NRXN3: variants seen among roughly 807,000 people sequenced by gnomAD.
NRXN3 encodes the protein neurexin 3.
A neutral mutation model predicts 137.6 loss-of-function variants in NRXN3; 32 were observed. The ratio of observed to expected loss-of-function variants is 0.23; its 90% CI spans 0.18 to 0.31. The LOEUF (loss-of-function observed/expected upper bound fraction) is 0.31. NRXN3 is among the 10% of genes least tolerant of loss of function. The pLI, the probability that NRXN3 is intolerant of heterozygous loss-of-function variation, is 1.00. For synonymous variants in NRXN3, 798 were observed against 784.5 expected (o/e 1.02, Z -0.29); for missense variants, 1,574 against 2,062.5 (o/e 0.76, Z 4.59).
At chr14:78,704,492 C>T (rs1032966107) in intron 6 of NRXN3, among the ~76,000 whole-genome samples, 61 of 152,048 alleles carry the variant, frequency 4.0e-4, no homozygotes, top group South Asian at 2.1e-4. Context: ...GACCCCTAAG[C>T]GGGGAGGTAT....
intron 16 of NRXN3, among the ~76,000 whole-genome samples, chr14:79,579,367 T>TATATATATAA (rs1567561063): frequency 7.0e-6 from 1 of 142,304 alleles, no homozygotes; most frequent in African/African-American, 2.6e-5. Context: ...TATATATATA[T>TATATATATAA]AATATATATA....
At chr14:78,348,442 A>G (rs1218966066) in intron 4 of NRXN3, among the ~76,000 whole-genome samples, 1 of 152,230 alleles carries the variant, frequency 6.6e-6, no homozygotes, top group Non-Finnish European at 1.5e-5. Flanking sequence ...CTAACACAAC[A>G]TTCAGCTCAA....
intron 15 of NRXN3, among the ~76,000 whole-genome samples, chr14:79,319,038 A>T (rs1330941736): frequency 6.6e-6 from 1 of 152,202 alleles, no homozygotes; most frequent in Non-Finnish European, 1.5e-5. Flanking sequence ...TCAAGAATGT[A>T]TGCTAGAAAA....
intron 10 of NRXN3, among the ~76,000 whole-genome samples, chr14:78,821,937 C>A (rs1292039848): frequency 1.3e-5 from 2 of 152,124 alleles, no homozygotes; most frequent in East Asian, 3.9e-4. Context: ...GATATGGTAA[C>A]ACCGCGATGA....
intron 10 of NRXN3, among the ~76,000 whole-genome samples, chr14:78,932,569 A>C (rs563562996): frequency 1.3e-5 from 2 of 152,310 alleles, no homozygotes; most frequent in Non-Finnish European, 2.9e-5. Context: ...ATGCTATGAC[A>C]ATATAAGCAT....
At chr14:79,578,754 T>C (rs965286342) in intron 16 of NRXN3, among the ~76,000 whole-genome samples, 5 of 152,222 alleles carry the variant, frequency 3.3e-5, no homozygotes, top group Admixed American at 6.5e-5. Context: ...AAGCCTCATC[T>C]TGCTTTCACA....
At chr14:79,321,500 A>AAAATC (rs2090011975) in intron 15 of NRXN3, among the ~76,000 whole-genome samples, 1 of 152,092 alleles carries the variant, frequency 6.6e-6, no homozygotes, top group Admixed American at 6.6e-5. Flanking sequence ...AAATAAGGAC[A>AAAATC]TTCTATTTTT....
At chr14:78,591,009 T>A (rs1310608647) in intron 4 of NRXN3, among the ~76,000 whole-genome samples, 1 of 152,152 alleles carries the variant, frequency 6.6e-6, no homozygotes, top group African/African-American at 2.4e-5. Context: ...GTAAATGCTA[T>A]GTCTGCAAAA....
chr14:79,700,804 A>ACTAT (rs929281104), intron 19 of NRXN3, among the ~76,000 whole-genome samples: 2 of 151,898 alleles, frequency 1.3e-5, no homozygotes, highest in African/African-American at 2.4e-5. Flanking sequence ...AGAGTGTAGA[A>ACTAT]CTATCTGTGA....
At chr14:78,530,175 A>T (rs1424129684) in intron 4 of NRXN3, among the ~76,000 whole-genome samples, 1 of 152,194 alleles carries the variant, frequency 6.6e-6, no homozygotes, top group East Asian at 1.9e-4. Flanking sequence ...ATAAACAATT[A>T]TGCCCTCCAG....
intron 4 of NRXN3, among the ~76,000 whole-genome samples, chr14:78,382,403 C>T (rs114377613): frequency 0.012 from 1,773 of 152,220 alleles, 29 homozygotes; most frequent in African/African-American, 0.04. Context: ...GTTAGTGATG[C>T]ATTCTGTGTA....
At chr14:79,787,878 A>G (rs2099133999) in intron 19 of NRXN3, among the ~76,000 whole-genome samples, 1 of 152,230 alleles carries the variant, frequency 6.6e-6, no homozygotes, top group Non-Finnish European at 1.5e-5. Context: ...TCCAAAGATC[A>G]GAATGAGTAA....
intron 16 of NRXN3, among the ~76,000 whole-genome samples, chr14:79,622,939 T>G (rs1225469244): frequency 6.6e-6 from 1 of 152,234 alleles, no homozygotes; most frequent in Non-Finnish European, 1.5e-5. Context: ...GAGTATCTAT[T>G]ATTTGATCTT....
chr14:78,938,023 A>G (rs924540084), intron 10 of NRXN3, among the ~76,000 whole-genome samples: 19 of 152,266 alleles, frequency 1.2e-4, no homozygotes, highest in Non-Finnish European at 2.4e-4. Context: ...GCATCCAGGT[A>G]GGCTGTTGGA....
At chr14:79,436,652 A>G (rs2095850173) in intron 15 of NRXN3, among the ~76,000 whole-genome samples, 1 of 152,186 alleles carries the variant, frequency 6.6e-6, no homozygotes, top group African/African-American at 2.4e-5. Context: ...CTAAGAAAAG[A>G]CATACTGTTT....
intron 10 of NRXN3, among the ~76,000 whole-genome samples, chr14:78,906,335 T>C (rs1447440570): frequency 1.3e-5 from 2 of 151,988 alleles, no homozygotes; most frequent in Non-Finnish European, 2.9e-5. Context: ...CTACCACTAC[T>C]TTCTTCCCAT....
intron 8 of NRXN3, among the ~76,000 whole-genome samples, chr14:78,774,194 C>A (rs996462003): frequency 6.6e-6 from 1 of 152,130 alleles, no homozygotes; most frequent in African/African-American, 2.4e-5. Context: ...GACACTATGG[C>A]CAGAAGACTC....
intron 6 of NRXN3, among the ~76,000 whole-genome samples, chr14:78,683,075 T>A (rs1258070803): frequency 6.6e-6 from 1 of 152,120 alleles, no homozygotes; most frequent in African/African-American, 2.4e-5. Flanking sequence ...TGTTTTACGT[T>A]TAAAATCACA....
chr14:79,818,735 G>A (rs545119587), intron 20 of NRXN3, among the ~76,000 whole-genome samples: 27 of 152,122 alleles, frequency 1.8e-4, no homozygotes, highest in Non-Finnish European at 3.1e-4. Context: ...CACACTTTTT[G>A]TGGGTCTTTG....
Sources: gnomAD v4.1 joint callset for allele counts (sites outside exome capture counted in the v4.1 genomes callset) on GRCh38, gnomAD v4.1.1 for gene constraint, MANE v1.5 for transcripts, NCBI Gene and HGNC (gene_info 2026-07-23, HGNC 2026-07-21) for gene names.